The following MITD1 variants were observed in gnomAD, a reference collection of about 807,000 sequenced individuals.
The protein encoded by MITD1 is MIT domain-containing protein 1.
Under a neutral mutation model 34.9 loss-of-function variants are expected in MITD1, and 24 were observed. The ratio of observed to expected loss-of-function variants is 0.69; its 90% confidence interval spans 0.50 to 0.97. The LOEUF (loss-of-function observed/expected upper bound fraction) is 0.97, where lower values mean the gene tolerates loss of function less well. MITD1 is among the 50% of genes least tolerant of loss of function. The pLI, the probability that MITD1 is intolerant of heterozygous loss-of-function variation, is 0.00. For synonymous variants in MITD1, 102 were observed against 101.4 expected (o/e 1.01, Z -0.04); for missense variants, 266 against 294.6 (o/e 0.90, Z 0.71).
chr2:99,170,651 C>A lies in MITD1; in HGVS notation c.479G>T (p.Gly160Val). ...TIHLLTSLDE[G>V]IEQVQQSRGL... ...TCTACTTTGCTGCACTTGCTCAATG[C>A]CCTGTTAATAGCAAAAATACGATTA... Residue 160 changes from glycine (G) to valine (V), a missense_variant and splice_region_variant, in exon 5 of 7, where the codon GGC becomes GTC. Transcript: ENST00000289359. The A allele has an allele frequency of 6.6e-7, 1 of 1,510,726 alleles. No homozygotes were observed. The highest frequency in any genetic ancestry group is 9.2e-7 in the Non-Finnish European group (1 of 1,088,540). 93.6% of individuals were successfully genotyped at this position (1,510,726 alleles called of 1,614,324 possible). A position where few individuals can be genotyped will look rare whatever the true frequency, so the allele number is the denominator to read the frequency against.
At chr2:99,162,053 C>T (rs2093797613) in exon 8 of MITD1, 4 of 1,614,038 alleles carry the variant, frequency 2.5e-6, no homozygotes, top group South Asian at 2.2e-5. Flanking sequence ...AAAATGGGCT[C>T]ATTTTACAGT....
chr2:99,180,661 A>G (rs924184728), intron 1 of MITD1, 170 bp downstream of exon 1: 2 of 642,368 alleles, frequency 3.1e-6, no homozygotes, highest in South Asian at 1.9e-5. Context: ...TCAATCTATT[A>G]AAGATCTAAA....
In MITD1 at chr2:99,162,469, G is replaced by A. The variant is rs764150088; in HGVS notation, c.*4-251C>T. 20 of 1,613,886 alleles carry A rather than the reference G, an allele frequency of 1.2e-5. No homozygotes were observed. Among genetic ancestry groups the A allele is most frequent in the African/African-American group, 4.0e-5 (3 of 74,924 alleles). ...TCAGGAACAGCTTCTAAGATCGGCC[G>A]GACTACTGCCTATCACCATTGCACT... On this transcript the variant is annotated intron_variant, in intron 7 of 7. Coordinates refer to the MITD1 transcript ENST00000422537.
chr2:99,175,194 A>G (rs969465347), intron 1 of MITD1, among the ~76,000 whole-genome samples: 3 of 152,222 alleles, frequency 2.0e-5, no homozygotes, highest in Non-Finnish European at 4.4e-5. Context: ...TAACACTGAA[A>G]CAATACTATG....
At chr2:99,176,662 G>A (rs890551060) in intron 1 of MITD1, among the ~76,000 whole-genome samples, 1 of 148,226 alleles carries the variant, frequency 6.7e-6, no homozygotes, top group African/African-American at 2.5e-5. Context: ...TGAGGGGTGT[G>A]TGTATGTGTG....
chr2:99,177,179 T>C (rs768878899), intron 1 of MITD1, among the ~76,000 whole-genome samples: 1 of 152,238 alleles, frequency 6.6e-6, no homozygotes, highest in African/African-American at 2.4e-5. Flanking sequence ...CTTTAAATTA[T>C]GTAGTAGTTC....
downstream of MITD1, among the ~76,000 whole-genome samples, chr2:99,164,786 T>C (rs1471939662): frequency 1.3e-5 from 2 of 152,294 alleles, no homozygotes; most frequent in East Asian, 3.9e-4. Flanking sequence ...CTATGAAAAT[T>C]ATTTTTTGAG....
downstream of MITD1, among the ~76,000 whole-genome samples, chr2:99,166,643 C>T (rs530733914): frequency 1.3e-5 from 2 of 151,540 alleles, no homozygotes; most frequent in South Asian, 4.2e-4. Flanking sequence ...CTTGTGGAGG[C>T]TAAAGGAGGT....
chr2:99,164,946 T>A (rs1218339650), downstream of MITD1, among the ~76,000 whole-genome samples: 1 of 151,618 alleles, frequency 6.6e-6, no homozygotes, highest in Non-Finnish European at 1.5e-5. Context: ...GGACTCAAGG[T>A]ATGTTTTGCA....
downstream of MITD1, chr2:99,161,748 A>G (rs1432303286): frequency 8.5e-6 from 4 of 471,772 alleles, no homozygotes; most frequent in Admixed American, 1.5e-4. Context: ...AATTATTTCA[A>G]CTGAAATTAT....
At chr2:99,173,144 CT>C (rs1189993494) in intron 2 of MITD1, 1 of 160,946 alleles carries the variant, frequency 6.2e-6, no homozygotes. Context: ...GGAAACATAA[CT>C]TTATTCCCAC....
rs764992035 is a variant in MITD1, at chr2:99,180,998, C to T, written c.-17G>A. 9.3e-6 allele frequency: 15 copies of T among 1,610,644 alleles called. No individual in the cohort carries two copies. The African/African-American group carries it at 2.0e-4, about 22-fold the overall frequency. On this transcript the variant is annotated 5_prime_UTR_variant, in exon 1 of 7. Coordinates refer to ENST00000289359, the MANE Select transcript of MITD1 (RefSeq NM_138798.3). Reference sequence around the variant, plus strand: ...CTTCGCCATAATTCTGGAAGTTCTCCTCCGCCTCAACCCAGGATGAAGTTG... The same window carrying T: ...CTTCGCCATAATTCTGGAAGTTCTCTTCCGCCTCAACCCAGGATGAAGTTG...
At position 99,173,942 on chromosome 2, in the gene MITD1, TTA is replaced by T. The variant is rs762279749; in HGVS notation, c.224_225del (p.Ile75LysfsTer18). The T allele has an allele frequency of 1.2e-6, 2 of 1,609,370 alleles. No individual in the cohort carries two copies. Among genetic ancestry groups the T allele is most frequent in the South Asian group, 1.1e-5 (1 of 90,814 alleles). Reference sequence around the variant, plus strand: ...TCTTTTTCTTGGTCCAAGTACTTCTTTATGTTTTCCGCTCTGTCCATGTATTT... The same window carrying T: ...TCTTTTTCTTGGTCCAAGTACTTCTTTGTTTTCCGCTCTGTCCATGTATTT... ...ISKYMDRAEN[I>X]KKYLDQEKED... On this transcript the variant is annotated frameshift_variant, in exon 2 of 7. Transcript: ENST00000289359. LOFTEE classifies it high-confidence loss of function.
chr2:99,164,494 T>A (rs2093817223), downstream of MITD1, among the ~76,000 whole-genome samples: 2 of 152,088 alleles, frequency 1.3e-5, no homozygotes, highest in South Asian at 4.1e-4. Context: ...TCCCTCTGTT[T>A]ATGAGTTATT....
At chr2:99,176,704 G>A (rs2105227439) in intron 1 of MITD1, among the ~76,000 whole-genome samples, 1 of 152,192 alleles carries the variant, frequency 6.6e-6, no homozygotes, top group South Asian at 2.1e-4. Context: ...GTGTGTTTTA[G>A]CTCATCAGCT....
intron 1 of MITD1, among the ~76,000 whole-genome samples, chr2:99,175,677 T>G (rs1343909751): frequency 6.6e-6 from 1 of 152,244 alleles, no homozygotes; most frequent in Admixed American, 6.5e-5. Flanking sequence ...CTGTTGATGG[T>G]CCTTGCCTGC....
At chr2:99,170,793 C>A (rs1175476336) in intron 4 of MITD1, 141 bp from the exon 5 acceptor site, 5 of 462,546 alleles carry the variant, frequency 1.1e-5, no homozygotes, top group Non-Finnish European at 1.6e-5. Flanking sequence ...CTCAAAAAAA[C>A]AACCAATGTG....
At chr2:99,162,281 T>C in intron 7 of MITD1, 1 of 1,612,728 alleles carries the variant, frequency 6.2e-7, no homozygotes, top group East Asian at 2.2e-5. Context: ...CAGTCTACCA[T>C]GATATGGGTA....
At chr2:99,180,170 C>T (rs922688481) in intron 1 of MITD1, among the ~76,000 whole-genome samples, 1 of 152,128 alleles carries the variant, frequency 6.6e-6, no homozygotes, top group Non-Finnish European at 1.5e-5. Context: ...TTTCTCACAC[C>T]GAACCTCATC....
Sources: gnomAD v4.1 joint callset for allele counts (sites outside exome capture counted in the v4.1 genomes callset) on GRCh38, gnomAD v4.1.1 for gene constraint, MANE v1.5 for transcripts, NCBI Gene and HGNC (gene_info 2026-07-23, HGNC 2026-07-21) for gene names.